EXPH5: variants seen among roughly 807,000 people sequenced by gnomAD.
EXPH5 encodes exophilin 5.
A neutral mutation model predicts 41.1 loss-of-function variants in EXPH5; 42 were observed. The observed-to-expected ratio is 1.02, with a 90% CI of 0.80 to 1.32. The LOEUF is 1.32. Among genes scored for constraint, EXPH5 ranks in the 40% most tolerant of loss-of-function variants. The pLI is 0.00. For synonymous variants in EXPH5, 798 were observed against 833.5 expected (o/e 0.96, Z 0.73); for missense variants, 2,298 against 2,314.5 (o/e 0.99, Z 0.15).
At chr11:108,540,898 T>C (rs1049475380) in intron 2 of EXPH5, among the ~76,000 whole-genome samples, 1 of 146,654 alleles carries the variant, frequency 6.8e-6, no homozygotes, top group Non-Finnish European at 1.5e-5. Context: ...TCCAGCTTAA[T>C]ATTCTATTAT....
rs2093642600 is a variant in EXPH5 at position 108,506,061 on chromosome 11, G to A, written c.*3476C>T. On this transcript the variant is annotated 3_prime_UTR_variant, in exon 6 of 6. Coordinates refer to ENST00000265843, the MANE Select transcript of EXPH5 (RefSeq NM_015065.3). ...TAAAATTTATGGTTATAGAAATCTAGTATCTAAACAAGTTTATAATTTATA... is the reference window on the plus strand; with the variant it reads ...TAAAATTTATGGTTATAGAAATCTAATATCTAAACAAGTTTATAATTTATA... 1 of 152,024 alleles carries A rather than the reference G, an allele frequency of 6.6e-6. No homozygotes were observed. Among genetic ancestry groups the A allele is most frequent in the Admixed American group, 6.6e-5 (1 of 15,258 alleles). The allele number at this position is 152,024 out of a possible 1,614,324, so 9.4% of individuals were successfully genotyped here.
At chr11:108,564,473 C>G (rs141261230) in intron 1 of EXPH5, among the ~76,000 whole-genome samples, 1 of 152,246 alleles carries the variant, frequency 6.6e-6, no homozygotes, top group African/African-American at 2.4e-5. Flanking sequence ...GAATGCTATG[C>G]TATGTCAGTA....
At chr11:108,549,383 C>T (rs746896938) in intron 1 of EXPH5, among the ~76,000 whole-genome samples, 20 of 152,148 alleles carry the variant, frequency 1.3e-4, no homozygotes, top group African/African-American at 4.1e-4. Flanking sequence ...TCTTATGTTC[C>T]GATTCCTGAG....
chr11:108,593,854 G>A, upstream of EXPH5: 1 of 998,174 alleles, frequency 1.0e-6, no homozygotes, highest in Non-Finnish European at 1.5e-6. Context: ...CCCTCGTCTC[G>A]TCCCGTCCCT....
Position 108,509,945 on chromosome 11 carries a change from T to C in EXPH5, c.5562A>G (p.Glu1854=), listed in dbSNP as rs2093665974. The part of the protein sequence containing the change: ...GYSRRFRSFS[E]LPSCDGNESW... ...TTTCATTTCCATCACAGGAGGGGAG[T>C]TCAGAAAAAGATCTGAATCTTCGAC... The change falls in exon 6 of 6, where the codon GAA becomes GAG. Residue 1854 remains glutamate (E), a synonymous_variant. Coordinates refer to ENST00000265843, the MANE Select transcript of EXPH5 (RefSeq NM_015065.3). 1.2e-6 allele frequency: 2 copies of C among 1,611,198 alleles called. No individual in the cohort carries two copies. The highest frequency in any genetic ancestry group is 2.7e-5 in the African/African-American group (2 of 74,624).
intron 1 of EXPH5, among the ~76,000 whole-genome samples, chr11:108,574,287 G>A (rs1274899529): frequency 1.3e-5 from 2 of 151,714 alleles, no homozygotes; most frequent in Admixed American, 1.3e-4. Flanking sequence ...GCTAAGGCGG[G>A]AGATCACTTG....
chr11:108,597,433 G>A (rs1245333257), upstream of EXPH5, among the ~76,000 whole-genome samples: 1 of 152,162 alleles, frequency 6.6e-6, no homozygotes, highest in Non-Finnish European at 1.5e-5. Context: ...CTGACCTCAG[G>A]TGATTTAAAT....
the EXPH5 span, among the ~76,000 whole-genome samples, chr11:108,602,820 C>A: frequency 6.6e-6 from 1 of 152,198 alleles, no homozygotes; most frequent in Non-Finnish European, 1.5e-5. Flanking sequence ...TATATAATTT[C>A]TCAGGTTGGT....
Position 108,509,902 on chromosome 11 carries a change from C to G in EXPH5, c.5605G>C (p.Gly1869Arg). Residue 1869 changes from glycine to arginine, a missense_variant, in exon 6 of 6, where the codon GGG (glycine) becomes CGG (arginine). Coordinates refer to ENST00000265843, the MANE Select transcript of EXPH5 (RefSeq NM_015065.3). ...DGNESWAYRS[G>R]TKTGPRSAIS... ...GCAGACCTGGGACCTGTTTTTGTCC[C>G]GCTGCGATAAGCCCAACTTTCATTT... 6.2e-7 allele frequency: 1 copy of G among 1,606,680 alleles called. No homozygotes were observed. The highest frequency in any genetic ancestry group is 8.5e-7 in the Non-Finnish European group (1 of 1,177,422).
At chr11:108,535,081 T>C (rs556397144) in intron 3 of EXPH5, among the ~76,000 whole-genome samples, 33 of 152,344 alleles carry the variant, frequency 2.2e-4, no homozygotes, top group Admixed American at 8.5e-4. Flanking sequence ...ACCTGGCTTT[T>C]ATCCCCCATG....
chr11:108,561,095 T>C (rs2094009577), intron 1 of EXPH5, among the ~76,000 whole-genome samples: 1 of 152,176 alleles, frequency 6.6e-6, no homozygotes, highest in African/African-American at 2.4e-5. Context: ...CAAGAATAGG[T>C]ACAAAATAAT....
At chr11:108,518,165 T>C in intron 5 of EXPH5, 70 bp downstream of exon 5, 1 of 1,386,006 alleles carries the variant, frequency 7.2e-7, no homozygotes, top group Admixed American at 2.0e-5. Flanking sequence ...AGTAGTTTGA[T>C]ACAAACTAGT....
At chr11:108,547,161 G>A (rs1158438863) in intron 1 of EXPH5, among the ~76,000 whole-genome samples, 20 of 152,002 alleles carry the variant, frequency 1.3e-4, no homozygotes, top group African/African-American at 4.3e-4. Context: ...TTGGGTCAAA[G>A]AGTCAAAACA....
chr11:108,565,574 T>A (rs1370129221), intron 1 of EXPH5, among the ~76,000 whole-genome samples: 1 of 152,198 alleles, frequency 6.6e-6, no homozygotes, highest in East Asian at 1.9e-4. Flanking sequence ...GTCACTCTCT[T>A]CATCTTTTCC....
chr11:108,602,942 T>C, the EXPH5 span, among the ~76,000 whole-genome samples: 1 of 152,184 alleles, frequency 6.6e-6, no homozygotes, highest in Non-Finnish European at 1.5e-5. Flanking sequence ...GGGCAGGACC[T>C]GGTGGGAGGT....
rs528226048 is a variant in EXPH5 at position 108,547,812 on chromosome 11, T to C, written c.120-6000A>G. 2.6e-5 allele frequency among the ~76,000 whole-genome samples: 4 copies of C among 152,228 alleles called. No individual in the cohort carries two copies. The South Asian group carries it at 8.3e-4, about 32-fold the overall frequency. On this transcript the variant is annotated intron_variant, in intron 1 of 5. Coordinates refer to ENST00000265843, the MANE Select transcript of EXPH5 (RefSeq NM_015065.3). ...TTGGCAATTGAGCGTTTCGTCAATT[T>C]TTAAATCAGTGTCTTGGCTGGGCGC...
At chr11:108,602,921 C>G in the EXPH5 span, among the ~76,000 whole-genome samples, 1 of 152,138 alleles carries the variant, frequency 6.6e-6, no homozygotes, top group Non-Finnish European at 1.5e-5. Context: ...CCCATAATCC[C>G]CATGTGTTGA....
intron 1 of EXPH5, among the ~76,000 whole-genome samples, chr11:108,568,381 T>TC (rs1219991710): frequency 6.6e-6 from 1 of 151,792 alleles, no homozygotes; most frequent in Admixed American, 6.6e-5. Context: ...ACCAATCGGT[T>TC]CCCCCCTCTA....
chr11:108,522,921 C>T (rs2135964318), intron 4 of EXPH5, among the ~76,000 whole-genome samples: 1 of 151,932 alleles, frequency 6.6e-6, no homozygotes, highest in Non-Finnish European at 1.5e-5. Context: ...CTTGCTCCAT[C>T]ACCCAGGCTG....
Sources: allele counts gnomAD v4.1 joint callset (sites outside exome capture counted in the v4.1 genomes callset), GRCh38; gene constraint gnomAD v4.1.1; transcripts MANE v1.5; gene names NCBI Gene and HGNC (gene_info 2026-07-23, HGNC 2026-07-21).